The following EIPR1 variants were observed in gnomAD, a reference collection of about 807,000 sequenced individuals.
EIPR1 encodes the protein EARP complex and GARP complex interacting protein 1.
EIPR1 carries 25 observed loss-of-function variants against 48.1 expected under a neutral mutation model. That is an observed-to-expected ratio of 0.52 (90% CI 0.38 to 0.73). The LOEUF (loss-of-function observed/expected upper bound fraction) is 0.73, where lower values mean the gene tolerates loss of function less well. Among genes scored for constraint, EIPR1 ranks in the 30% least tolerant of loss-of-function variants. The pLI is 0.00. For missense variants in EIPR1, 415 were observed against 506.2 expected, an observed-to-expected ratio of 0.82 and a Z score of 1.73; for synonymous variants, 204 against 201.9, an observed-to-expected ratio of 1.01 and a Z score of -0.09.
At chr2:3,198,048 G>C (rs537809786) in intron 5 of EIPR1, among the ~76,000 whole-genome samples, 6 of 152,344 alleles carry the variant, frequency 3.9e-5, no homozygotes, top group African/African-American at 7.2e-5. Context: ...CAGGCTCGGG[G>C]TGAACAAGTC....
chr2:3,360,537 T>C (rs1202656492), intron 1 of EIPR1, among the ~76,000 whole-genome samples: 2 of 152,168 alleles, frequency 1.3e-5, no homozygotes, highest in African/African-American at 2.4e-5. Context: ...TTCAGGATCG[T>C]AGCAGGAAAG....
At position 3,354,577 on chromosome 2, in the gene EIPR1, C is replaced by T. The variant is rs766923105; in HGVS notation, c.99G>A (p.Gly33=). ...AETDAIRFLV[G]TQSLKYDNQI... is the part of the protein sequence containing the mutation. The stretch of plus-strand genomic sequence containing the variant: ...GATTATCATATTTAAGAGACTGCGT[C>T]CCAACCAAAAACCGAATGGCATCTG... The change falls in exon 2 of 9, where the codon GGG becomes GGA. Residue 33 remains glycine, a synonymous_variant. Coordinates refer to ENST00000382125, the MANE Select transcript of EIPR1 (RefSeq NM_003310.5). 5 of 1,614,112 alleles carry T rather than the reference C, an allele frequency of 3.1e-6. No homozygotes were observed. In the East Asian group the frequency reaches 8.9e-5, roughly 29 times the overall value.
At chr2:3,226,403 G>T (rs1666066758) in intron 4 of EIPR1, among the ~76,000 whole-genome samples, 1 of 152,100 alleles carries the variant, frequency 6.6e-6, no homozygotes, top group East Asian at 1.9e-4. Context: ...ATGCCTATTG[G>T]ATATCTGTAT....
chr2:3,377,792 C>A lies in EIPR1; in HGVS notation c.-103G>T, dbSNP rs35565919. ...GCGTGTTCCCAGCGCCCATTCATTC[C>A]CTCCCCGCAGCAAACGACTCCAAAC... On this transcript the variant is annotated 5_prime_UTR_variant, in exon 1 of 9. Coordinates refer to ENST00000382125, the MANE Select transcript of EIPR1 (RefSeq NM_003310.5). The A allele has an allele frequency of 7.2e-7, 1 of 1,390,844 alleles. No individual in the cohort carries two copies. The highest frequency in any genetic ancestry group is 9.9e-7 in the Non-Finnish European group (1 of 1,013,324). 86.2% of individuals were successfully genotyped at this position (1,390,844 alleles called of 1,614,324 possible).
At chr2:3,237,775 C>T (rs116684606) in intron 4 of EIPR1, among the ~76,000 whole-genome samples, 2,047 of 152,296 alleles carry the variant, frequency 0.013, 21 homozygotes, top group Non-Finnish European at 0.021. Context: ...TTTCCGCTTC[C>T]GTCCAGCGGG....
intron 3 of EIPR1, among the ~76,000 whole-genome samples, chr2:3,305,590 G>A (rs1353705363): frequency 1.3e-5 from 2 of 152,300 alleles, no homozygotes; most frequent in Admixed American, 6.5e-5. Flanking sequence ...TGCCCCCATT[G>A]AGTAACGGAC....
chr2:3,235,417 G>GGC (rs1197851084), intron 4 of EIPR1, among the ~76,000 whole-genome samples: 1 of 142,646 alleles, frequency 7.0e-6, no homozygotes, highest in Non-Finnish European at 1.5e-5. Flanking sequence ...TGTGCATGCG[G>GGC]GTGCGCACAC....
At chr2:3,225,786 A>G in intron 4 of EIPR1, among the ~76,000 whole-genome samples, 1 of 151,414 alleles carries the variant, frequency 6.6e-6, no homozygotes, top group Non-Finnish European at 1.5e-5. Context: ...TTTGACCAGC[A>G]CCTCCCACTT....
intron 3 of EIPR1, chr2:3,262,225 G>C (rs887302572): frequency 2.0e-5 from 3 of 152,246 alleles, no homozygotes; most frequent in African/African-American, 7.2e-5. Context: ...AGCTGTGCTG[G>C]TCTCCCATTT....
At chr2:3,355,677 T>C (rs1416629436) in intron 1 of EIPR1, among the ~76,000 whole-genome samples, 1 of 42,548 alleles carries the variant, frequency 2.4e-5, no homozygotes, top group African/African-American at 5.2e-5. Context: ...CATCTGGGAA[T>C]GGTGGCTCGT....
chr2:3,207,131 A>C (rs1485778805), intron 5 of EIPR1, among the ~76,000 whole-genome samples: 2 of 152,102 alleles, frequency 1.3e-5, no homozygotes, highest in African/African-American at 4.8e-5. Flanking sequence ...ATCCGCATCC[A>C]TGTACCCACA....
At chr2:3,282,589 G>A (rs566172837) in intron 3 of EIPR1, 16 of 152,388 alleles carry the variant, frequency 1.0e-4, no homozygotes, top group Non-Finnish European at 1.3e-4. Flanking sequence ...CTGCTGCGCC[G>A]GCTCCTGGCA....
At chr2:3,351,095 T>C (rs1257262628) in intron 2 of EIPR1, among the ~76,000 whole-genome samples, 4 of 151,784 alleles carry the variant, frequency 2.6e-5, no homozygotes, top group Non-Finnish European at 5.9e-5. Flanking sequence ...ATCTTCCCAG[T>C]TGTCAAGTGA....
At chr2:3,239,337 C>T (rs546208072) in intron 4 of EIPR1, among the ~76,000 whole-genome samples, 3 of 152,318 alleles carry the variant, frequency 2.0e-5, no homozygotes, top group African/African-American at 2.4e-5. Flanking sequence ...AGATAAAAGC[C>T]GCCTTCACAC....
At chr2:3,361,195 C>T (rs376593851) in intron 1 of EIPR1, among the ~76,000 whole-genome samples, 45 of 152,278 alleles carry the variant, frequency 3.0e-4, no homozygotes, top group African/African-American at 1.0e-3. Context: ...TGCACTTACC[C>T]GTTGAAGTCC....
intron 1 of EIPR1, among the ~76,000 whole-genome samples, chr2:3,373,328 G>A (rs1238534227): frequency 6.6e-6 from 1 of 151,890 alleles, no homozygotes; most frequent in Non-Finnish European, 1.5e-5. Flanking sequence ...CACAAGACAG[G>A]GATGCCCTCT....
rs1171226210 is a variant in EIPR1, at chr2:3,269,350, G to A, written c.260-11895C>T. Among the ~76,000 whole-genome samples the A allele has an allele frequency of 5.3e-5, 4 of 75,118 alleles. 1 individual carries two copies. Among genetic ancestry groups the A allele is most frequent in the Non-Finnish European group, 7.1e-5 (3 of 42,016 alleles). 49.3% of individuals were successfully genotyped at this position (75,118 alleles called of 152,430 possible). ...TCAATCATCATCACACTCAGTCATC[G>A]CACTCAGTCATCGCACTCAATCATC... is the stretch of plus-strand genomic sequence containing the variant. On this transcript the variant is annotated intron_variant, in intron 3 of 8. Transcript: ENST00000382125.
chr2:3,272,247 C>T (rs1040501562), intron 3 of EIPR1, among the ~76,000 whole-genome samples: 6 of 152,210 alleles, frequency 3.9e-5, no homozygotes, highest in African/African-American at 1.2e-4. Context: ...AGCAAGAAGG[C>T]TGTTTGGCTT....
rs10165474 is a variant in EIPR1 at position 3,365,997 on chromosome 2, C to T, written c.43-11364G>A. Among the ~76,000 whole-genome samples the T allele has an allele frequency of 1.6e-4, 7 of 42,726 alleles. No homozygotes were observed. The Admixed American group carries it at 2.0e-3, about 12-fold the overall frequency. 28.0% of individuals were successfully genotyped at this position (42,726 alleles called of 152,430 possible). ...CAGCCCCCCGCCCGGCCAGCCACCC[C>T]GTCCGAGAGAAAAAGCTTTTTAAAA... is the stretch of plus-strand genomic sequence containing the variant. On this transcript the variant is annotated intron_variant, in intron 1 of 8. Coordinates refer to ENST00000382125, the MANE Select transcript of EIPR1 (RefSeq NM_003310.5).
Sources: gnomAD v4.1 joint callset for allele counts (sites outside exome capture counted in the v4.1 genomes callset) on GRCh38, gnomAD v4.1.1 for gene constraint, MANE v1.5 for transcripts, NCBI Gene and HGNC (gene_info 2026-07-23, HGNC 2026-07-21) for gene names.